Variants in RAD52 observed in about 807,000 individuals in gnomAD.
RAD52 encodes the protein DNA repair protein RAD52 homolog.
RAD52 carries 47 observed loss-of-function variants against 55.5 expected under a neutral mutation model. The ratio of observed to expected loss-of-function variants is 0.85; its 90% CI spans 0.67 to 1.08. The LOEUF is 1.08. Ranked by LOEUF, RAD52 falls within the 50% of genes least tolerant of loss-of-function variation. The pLI, the probability that RAD52 is intolerant of heterozygous loss-of-function variation, is 0.00. For missense variants in RAD52, 468 were observed against 522.8 expected, an observed-to-expected ratio of 0.90 and a Z score of 1.02; for synonymous variants, 184 against 198.9, an observed-to-expected ratio of 0.92 and a Z score of 0.63.
intron 1 of RAD52, among the ~76,000 whole-genome samples, chr12:970,691 G>A (rs1044506888): frequency 6.6e-6 from 1 of 152,152 alleles, no homozygotes; most frequent in Non-Finnish European, 1.5e-5. Context: ...TTTGGGAGGA[G>A]GTGGTTACAA....
intron 7 of RAD52, among the ~76,000 whole-genome samples, chr12:919,763 A>C (rs1251612844): frequency 8.8e-6 from 1 of 113,310 alleles, no homozygotes; most frequent in Non-Finnish European, 1.9e-5. Context: ...AAAAAAAAAA[A>C]AAATCTGGGC....
chr12:985,956 C>T (rs1201072189), intron 1 of RAD52, among the ~76,000 whole-genome samples: 2 of 128,342 alleles, frequency 1.6e-5, no homozygotes, highest in Non-Finnish European at 3.2e-5. Flanking sequence ...TTTTTTGAGA[C>T]AGAGTTTCAC....
At chr12:964,133 G>C (rs1423765253) in intron 1 of RAD52, among the ~76,000 whole-genome samples, 2 of 152,146 alleles carry the variant, frequency 1.3e-5, no homozygotes, top group Non-Finnish European at 2.9e-5. Context: ...GCATTTAGGC[G>C]ATGTGACTTT....
intron 7 of RAD52, 47 bp downstream of exon 7, chr12:925,403 A>G (rs375873399): frequency 6.7e-7 from 1 of 1,495,296 alleles, no homozygotes; most frequent in Non-Finnish European, 9.3e-7. Flanking sequence ...ATGACACACA[A>G]GAGTTTGCCG....
In RAD52 at chr12:929,810, T is replaced by TC; in HGVS notation, c.348+8dup. The TC allele has an allele frequency of 6.2e-7, 1 of 1,608,118 alleles. No homozygotes were observed. The highest frequency in any genetic ancestry group is 8.5e-7 in the Non-Finnish European group (1 of 1,175,890). On this transcript the variant is annotated intron_variant, in intron 5 of 11. Transcript: ENST00000358495. The stretch of plus-strand genomic sequence containing the variant: ...CCTTCCGGGCAGCAGGTCTACTCCA[T>TC]CCCCTCACCTTCAGCTGGACCCTCA...
At chr12:988,496 T>C (rs1364484905) in intron 1 of RAD52, among the ~76,000 whole-genome samples, 2 of 152,194 alleles carry the variant, frequency 1.3e-5, no homozygotes, top group African/African-American at 4.8e-5. Context: ...TCTTAGTCTA[T>C]TTTATGTTGC....
chr12:925,422 T>G, intron 7 of RAD52, 28 bp downstream of exon 7: 1 of 1,588,674 alleles, frequency 6.3e-7, no homozygotes, highest in Non-Finnish European at 8.6e-7. Flanking sequence ...CGCATTATCT[T>G]CACTCCACTC....
chr12:949,027 T>G (rs1327676293), intron 1 of RAD52, among the ~76,000 whole-genome samples: 2 of 152,130 alleles, frequency 1.3e-5, no homozygotes, highest in Non-Finnish European at 2.9e-5. Flanking sequence ...CAAGGCTCAA[T>G]ACTCAGCTAA....
intron 1 of RAD52, among the ~76,000 whole-genome samples, chr12:981,285 A>T (rs920130262): frequency 1.3e-5 from 2 of 152,078 alleles, no homozygotes; most frequent in Non-Finnish European, 2.9e-5. Flanking sequence ...GTGAGCCAAG[A>T]TTGTGCCACT....
chr12:988,489 T>C (rs985225192), intron 1 of RAD52, among the ~76,000 whole-genome samples: 2 of 152,134 alleles, frequency 1.3e-5, no homozygotes, highest in Non-Finnish European at 2.9e-5. Flanking sequence ...GGAGGTGTCT[T>C]AGTCTATTTT....
intron 1 of RAD52, among the ~76,000 whole-genome samples, chr12:986,804 G>A (rs1035772773): frequency 1.3e-5 from 2 of 149,004 alleles, no homozygotes; most frequent in Non-Finnish European, 3.0e-5. Flanking sequence ...CTCTTTTCCG[G>A]GCGTTTTCTC....
chr12:938,475 G>A (rs1041446845), intron 1 of RAD52, among the ~76,000 whole-genome samples: 1 of 152,196 alleles, frequency 6.6e-6, no homozygotes, highest in Non-Finnish European at 1.5e-5. Flanking sequence ...CTGAGCTCAG[G>A]AGTTCAAGAC....
At chr12:986,115 G>A (rs996466356) in intron 1 of RAD52, among the ~76,000 whole-genome samples, 1 of 151,048 alleles carries the variant, frequency 6.6e-6, no homozygotes, top group Non-Finnish European at 1.5e-5. Flanking sequence ...TGTATTTTTA[G>A]TAGAGATGGG....
At chr12:964,271 C>T (rs1229738334) in intron 1 of RAD52, among the ~76,000 whole-genome samples, 1 of 152,048 alleles carries the variant, frequency 6.6e-6, no homozygotes, top group Non-Finnish European at 1.5e-5. Context: ...AGATGTTAAA[C>T]AAGAAGACTA....
chr12:985,151 T>C (rs1375151978), intron 1 of RAD52, among the ~76,000 whole-genome samples: 1 of 152,166 alleles, frequency 6.6e-6, no homozygotes, highest in Non-Finnish European at 1.5e-5. Context: ...ATTAATTTTA[T>C]TTTTTTGGAG....
intron 7 of RAD52, among the ~76,000 whole-genome samples, chr12:917,487 G>C (rs1956459572): frequency 6.6e-6 from 1 of 152,108 alleles, no homozygotes; most frequent in African/African-American, 2.4e-5. Flanking sequence ...TGGAATAATT[G>C]TTTGAATATG....
chr12:913,037 G>T lies in RAD52; in HGVS notation c.*354C>A. On this transcript the variant is annotated 3_prime_UTR_variant, in exon 12 of 12. Coordinates refer to ENST00000358495, the MANE Select transcript of RAD52 (RefSeq NM_134424.4). ...AGACAATTGCTGAGGCAGGTGCTTAGGACCAAGTCTGGCCTATATTGCTTG... is the reference window on the plus strand; with the variant it reads ...AGACAATTGCTGAGGCAGGTGCTTATGACCAAGTCTGGCCTATATTGCTTG... 1 of 247,130 alleles carries T rather than the reference G, an allele frequency of 4.0e-6. No individual in the cohort carries two copies. The highest frequency in any genetic ancestry group is 7.8e-6 in the Non-Finnish European group (1 of 128,970). 15.3% of individuals were successfully genotyped at this position (247,130 alleles called of 1,614,324 possible). A position where few individuals can be genotyped will look rare whatever the true frequency, so the allele number is the denominator to read the frequency against.
chr12:945,070 G>T (rs1958135954), intron 1 of RAD52, among the ~76,000 whole-genome samples: 1 of 152,064 alleles, frequency 6.6e-6, no homozygotes, highest in Non-Finnish European at 1.5e-5. Context: ...AAAAAAAGTG[G>T]CCAGGCACGG....
upstream of RAD52, among the ~76,000 whole-genome samples, chr12:950,668 C>T (rs1160124071): frequency 6.6e-6 from 1 of 151,944 alleles, no homozygotes; most frequent in Admixed American, 6.6e-5. Flanking sequence ...TTGCCTCAGC[C>T]TCCCAAAGTG....
Sources: allele counts gnomAD v4.1 joint callset (sites outside exome capture counted in the v4.1 genomes callset), GRCh38; gene constraint gnomAD v4.1.1; transcripts MANE v1.5; gene names NCBI Gene and HGNC (gene_info 2026-07-23, HGNC 2026-07-21).